SMYD4: variants seen among roughly 807,000 people sequenced by gnomAD.
SMYD4 encodes protein-lysine N-methyltransferase SMYD4.
A neutral mutation model predicts 72.8 loss-of-function variants in SMYD4; 68 were observed. That is an observed-to-expected ratio of 0.93 (90% CI 0.77 to 1.14). The LOEUF (loss-of-function observed/expected upper bound fraction) is 1.14, where lower values mean the gene tolerates loss of function less well. Ranked by LOEUF, SMYD4 falls within the 50% of genes most tolerant of loss-of-function variation. The probability of loss-of-function intolerance (pLI) is 0.00; values close to 1 mark genes in which losing one functional copy is unlikely to be tolerated. For synonymous variants in SMYD4, 407 were observed against 388.6 expected, an observed-to-expected ratio of 1.05 and a Z score of -0.56; for missense variants, 984 against 1,003.7, an observed-to-expected ratio of 0.98 and a Z score of 0.27.
chr17:1,788,306 T>G (rs1158932875), intron 5 of SMYD4, among the ~76,000 whole-genome samples: 2 of 151,320 alleles, frequency 1.3e-5, no homozygotes, highest in East Asian at 3.9e-4. Flanking sequence ...GAGCCAGGAT[T>G]GCACCACTGC....
intron 2 of SMYD4, among the ~76,000 whole-genome samples, chr17:1,825,124 T>C (rs1317024126): frequency 6.6e-6 from 1 of 152,214 alleles, no homozygotes; most frequent in East Asian, 1.9e-4. Context: ...GATAGCAACG[T>C]GAGAATGGAG....
intron 5 of SMYD4, among the ~76,000 whole-genome samples, chr17:1,798,887 ACT>A (rs1294048772): frequency 1.4e-5 from 2 of 142,522 alleles, no homozygotes; most frequent in Non-Finnish European, 1.5e-5. Flanking sequence ...AAAGAGCAAG[ACT>A]CTGTCTCAAA....
intron 2 of SMYD4, among the ~76,000 whole-genome samples, chr17:1,817,261 C>T (rs974664816): frequency 5.9e-5 from 9 of 152,180 alleles, no homozygotes; most frequent in African/African-American, 2.2e-4. Flanking sequence ...TGGTCTCAAA[C>T]TCCAGGCCTC....
intron 3 of SMYD4, among the ~76,000 whole-genome samples, chr17:1,806,004 A>G (rs1433415571): frequency 6.8e-6 from 1 of 147,236 alleles, no homozygotes; most frequent in Non-Finnish European, 1.5e-5. Flanking sequence ...GCTCACTGCA[A>G]CCTCCAACTC....
chr17:1,807,721 A>G (rs753058440), intron 3 of SMYD4, among the ~76,000 whole-genome samples: 4 of 152,162 alleles, frequency 2.6e-5, no homozygotes, highest in Non-Finnish European at 4.4e-5. Context: ...TGTTAAGTGG[A>G]AAAGGCATGG....
At chr17:1,796,020 G>C (rs1304441663) in intron 5 of SMYD4, among the ~76,000 whole-genome samples, 4 of 151,896 alleles carry the variant, frequency 2.6e-5, no homozygotes, top group South Asian at 2.1e-4. Context: ...TAAAACATTA[G>C]AACCTCATAG....
intron 5 of SMYD4, among the ~76,000 whole-genome samples, chr17:1,791,299 A>T (rs1446513747): frequency 1.3e-5 from 2 of 152,084 alleles, no homozygotes; most frequent in Non-Finnish European, 2.9e-5. Context: ...CACGGTCTAG[A>T]AAATCATCAG....
At chr17:1,806,427 C>T (rs1910037849) in intron 3 of SMYD4, among the ~76,000 whole-genome samples, 1 of 152,130 alleles carries the variant, frequency 6.6e-6, no homozygotes, top group Non-Finnish European at 1.5e-5. Context: ...AGGCAAAGAG[C>T]TAATTTCTTT....
chr17:1,784,618 GATGGCGGCA>G lies in SMYD4; in HGVS notation c.1885-166_1885-158del, dbSNP rs144715966. The G allele has an allele frequency of 1.9e-3, 1,855 of 977,558 alleles. 34 individuals are homozygous for G. In the African/African-American group the frequency reaches 0.026, roughly 14 times the overall value. 60.6% of individuals were successfully genotyped at this position (977,558 alleles called of 1,614,324 possible). A position where few individuals can be genotyped will look rare whatever the true frequency, so the allele number is the denominator to read the frequency against. On this transcript the variant is annotated intron_variant, in intron 7 of 10. Transcript: ENST00000305513. Reference sequence around the variant, plus strand: ...ACGAAAGTCTGAGCGAATTTTGTTTGATGGCGGCAATGGCGGCAATTCTAATGAAGTGTA... The same window carrying G: ...ACGAAAGTCTGAGCGAATTTTGTTTGATGGCGGCAATTCTAATGAAGTGTA...
intron 4 of SMYD4, chr17:1,804,216 G>C (rs1352622430): frequency 5.3e-6 from 1 of 188,512 alleles, no homozygotes; most frequent in South Asian, 1.1e-4. Context: ...TGTCACCCAG[G>C]CTGGAGTGCA....
chr17:1,817,874 C>T (rs1407711208), intron 2 of SMYD4, among the ~76,000 whole-genome samples: 29 of 151,646 alleles, frequency 1.9e-4, no homozygotes, highest in Non-Finnish European at 3.8e-4. Flanking sequence ...GGTGAAACCC[C>T]GTCTCTACTA....
Position 1,801,008 on chromosome 17 carries a change from A to T in SMYD4, c.386T>A (p.Ile129Asn), listed in dbSNP as rs1328885770. The T allele has an allele frequency of 1.1e-5, 17 of 1,608,614 alleles. No homozygotes were observed. Among genetic ancestry groups the T allele is most frequent in the Non-Finnish European group, 1.4e-5 (17 of 1,175,476 alleles). The change falls in exon 5 of 11, where the codon ATT becomes AAT. Residue 129 changes from isoleucine (I) to asparagine (N), a missense_variant. Ile to Asn is a moderately radical substitution (Grantham distance 149). Coordinates refer to ENST00000305513, the MANE Select transcript of SMYD4 (RefSeq NM_052928.3). ...ATACCCATGTGTCTGTGCTCTGTTA[A>T]TGTCTTTAAGACACGTCTGAAAACA... Reference protein sequence around the residue: ...LGQYETCLKDINRAQTHGYPE... With the variant: ...LGQYETCLKDNNRAQTHGYPE...
intron 5 of SMYD4, among the ~76,000 whole-genome samples, chr17:1,794,081 G>GTGTGTATATATATATA (rs1454228796): frequency 1.8e-4 from 3 of 17,124 alleles, no homozygotes; most frequent in Non-Finnish European, 3.3e-4. Flanking sequence ...ATATATATGT[G>GTGTGTATATATATATA]TATATATATA....
chr17:1,799,373 AT>A (rs963213315), intron 5 of SMYD4, among the ~76,000 whole-genome samples: 364 of 145,578 alleles, frequency 2.5e-3, no homozygotes, highest in Middle Eastern at 7.2e-3. Flanking sequence ...GAATCAAATA[AT>A]TTTTTTTTTT....
chr17:1,801,004 G>C lies in SMYD4; in HGVS notation c.390C>G (p.Asn130Lys), dbSNP rs1404584523. 1 of 1,608,892 alleles carries C rather than the reference G, an allele frequency of 6.2e-7. No individual in the cohort carries two copies. Among genetic ancestry groups the C allele is most frequent in the African/African-American group, 1.3e-5 (1 of 74,830 alleles). ...CTGGATACCCATGTGTCTGTGCTCT[G>C]TTAATGTCTTTAAGACACGTCTGAA... ...GQYETCLKDI[N>K]RAQTHGYPER... The change falls in exon 5 of 11, where the codon AAC (asparagine) becomes AAG (lysine). Residue 130 changes from asparagine (N) to lysine (K), a missense_variant. Transcript: ENST00000305513.
chr17:1,828,095 A>C, intron 1 of SMYD4, 89 bp from the exon 2 acceptor site: 1 of 1,357,234 alleles, frequency 7.4e-7, no homozygotes, highest in Non-Finnish European at 1.0e-6. Flanking sequence ...TCACACCTGT[A>C]ATCCCAGCAC....
intron 1 of SMYD4, 109 bp downstream of exon 1, chr17:1,829,616 TG>T (rs1482684857): frequency 1.4e-5 from 2 of 141,820 alleles, no homozygotes; most frequent in African/African-American, 5.1e-5. Context: ...GCTCAGGGCT[TG>T]GAGGCGGGAA....
chr17:1,795,747 G>GTTTTTTTTTTT lies in SMYD4; in HGVS notation c.1537+4099_1537+4109dup, dbSNP rs368038317. On this transcript the variant is annotated intron_variant, in intron 5 of 10. Transcript: ENST00000305513. ...ATGAGCCACTGTGCCTGGCCCGTGAGTTTTTTTTTTTTTTTTTTAAGTATT... is the reference window on the plus strand; with the variant it reads ...ATGAGCCACTGTGCCTGGCCCGTGAGTTTTTTTTTTTTTTTTTTTTTTTTTTTTTAAGTATT... Among the ~76,000 whole-genome samples the GTTTTTTTTTTT allele has an allele frequency of 2.3e-3, 290 of 128,398 alleles. 6 individuals carry two copies. The highest frequency in any genetic ancestry group is 6.8e-3 in the South Asian group (27 of 3,974). 84.2% of individuals were successfully genotyped at this position (128,398 alleles called of 152,430 possible). A position where few individuals can be genotyped will look rare whatever the true frequency, so the allele number is the denominator to read the frequency against.
At chr17:1,806,024 C>T (rs1019430855) in intron 3 of SMYD4, among the ~76,000 whole-genome samples, 2 of 150,368 alleles carry the variant, frequency 1.3e-5, no homozygotes, top group African/African-American at 4.9e-5. Flanking sequence ...CCCGGGTTCG[C>T]GCCATTCTCC....
Sources: allele counts gnomAD v4.1 joint callset (sites outside exome capture counted in the v4.1 genomes callset), GRCh38; gene constraint gnomAD v4.1.1; transcripts MANE v1.5; gene names NCBI Gene and HGNC (gene_info 2026-07-23, HGNC 2026-07-21).